Variants in IQCN observed in about 807,000 individuals in gnomAD.
IQCN encodes the protein IQ domain-containing protein N.
A neutral mutation model predicts 64.4 loss-of-function variants in IQCN; 46 were observed. That is an observed-to-expected ratio of 0.71 (90% CI 0.56 to 0.91). The LOEUF (loss-of-function observed/expected upper bound fraction) is 0.91. Ranked by LOEUF, IQCN falls within the 40% of genes least tolerant of loss-of-function variation. The pLI is 0.00. For missense variants in IQCN, 1,753 were observed against 1,857.4 expected, an observed-to-expected ratio of 0.94 and a Z score of 1.03; for synonymous variants, 733 against 775.6, an observed-to-expected ratio of 0.95 and a Z score of 0.91.
intron 2 of IQCN, chr19:18,267,787 CTTTTCTTTTTTT>C: frequency 3.0e-6 from 1 of 328,004 alleles, no homozygotes. Flanking sequence ...TTTCTTTTTT[CTTTTCTTTTTTT>C]TTTTTTTTTT....
chr19:18,257,281 G>C lies in IQCN; in HGVS notation c.4003C>G (p.Arg1335Gly), dbSNP rs367982069. 1.2e-6 allele frequency: 2 copies of C among 1,613,484 alleles called. No homozygotes were observed. Among genetic ancestry groups the C allele is most frequent in the Admixed American group, 3.3e-5 (2 of 60,010 alleles). ...MAAKIVQATWRGHHTRSCLKN... is the reference protein window; with the variant it reads ...MAAKIVQATWGGHHTRSCLKN... ...AGACAGCTCCGGGTATGGTGGCCTC[G>C]CCAGGTGGCTTGAACTATCTTCGCT... is the stretch of plus-strand genomic sequence containing the variant. Residue 1335 changes from arginine to glycine, a missense_variant, in exon 4 of 4, where the codon CGA (arginine) becomes GGA (glycine). Physicochemically the swap from Arg to Gly is moderately radical, Grantham distance 125. Coordinates refer to ENST00000392413, the MANE Select transcript of IQCN (RefSeq NM_001145304.2).
chr19:18,264,684 T>G lies in IQCN; in HGVS notation c.2856A>C (p.Arg952=). Residue 952 remains arginine (R), a synonymous_variant, in exon 3 of 4, where the codon CGA becomes CGC. Coordinates refer to ENST00000392413, the MANE Select transcript of IQCN (RefSeq NM_001145304.2). This position sits in a 1 kb window ranked among gnomAD's most constrained non-coding sequence, Gnocchi z 4.3. ...CCCGCAGCTCGCCCCGGGACAGGGC[T>G]CGGGACAGGGTCAGGCGCAGCTCAC... is the stretch of plus-strand genomic sequence containing the variant. ...SWSELRLTLS[R]ALSRGELRAE... 2 of 1,551,208 alleles carry G rather than the reference T, an allele frequency of 1.3e-6. No homozygotes were observed. Among genetic ancestry groups the G allele is most frequent in the South Asian group, 2.4e-5 (2 of 84,060 alleles).
Position 18,267,367 on chromosome 19 carries a change from C to A in IQCN, c.173G>T (p.Gly58Val). 2 of 1,612,470 alleles carry A rather than the reference C, an allele frequency of 1.2e-6. No individual in the cohort carries two copies. ...EKAPPQPQHE[G>V]LKSKEHLPQQ... ...CGGAAGATGCTCCTTGGACTTGAGGCCCTCGTGCTGGGGCTGTGGAGGCGC... is the reference window on the plus strand; with the variant it reads ...CGGAAGATGCTCCTTGGACTTGAGGACCTCGTGCTGGGGCTGTGGAGGCGC... The change falls in exon 3 of 4, where the codon GGC (glycine) becomes GTC (valine). Residue 58 changes from glycine (G) to valine (V), a missense_variant. Physicochemically the swap from Gly to Val is moderately radical, Grantham distance 109. Transcript: ENST00000392413.
At position 18,265,727 on chromosome 19, in the gene IQCN, T is replaced by C. The variant is rs772575618; in HGVS notation, c.1813A>G (p.Lys605Glu). 3.8e-5 allele frequency: 62 copies of C among 1,614,220 alleles called. 1 individual carries two copies. In the South Asian group the frequency reaches 4.4e-4, roughly 11 times the overall value. ...TGTTTCTGGGTGCCAGTCTTGATTT[T>C]CTCGGCTTCCAAAGGAAGCTCAGCT... ...AAAELPLEAE[K>E]IKTGTQKQAK... is the part of the protein sequence containing the mutation. Residue 605 changes from lysine (K) to glutamate (E), a missense_variant, in exon 3 of 4, where the codon AAA becomes GAA. Coordinates refer to ENST00000392413, the MANE Select transcript of IQCN (RefSeq NM_001145304.2). The surrounding 1 kb of genome is among the most constrained non-coding windows in gnomAD (Gnocchi z 4.7).
chr19:18,262,749 A>G (rs1403156210), intron 3 of IQCN: 2 of 152,214 alleles, frequency 1.3e-5, no homozygotes, highest in African/African-American at 2.4e-5. Context: ...GCTTGGGGCC[A>G]GCCTACTGAA....
chr19:18,267,303 G>A lies in IQCN; in HGVS notation c.237C>T (p.Val79=). The stretch of plus-strand genomic sequence containing the variant: ...TCTCGACCACAGCCCGGAGGCGTGG[G>A]ACGCGGCGGGACGCCGTCTTGCCTT... ...PAEGKTASRR[V]PRLRAVVESQ... Residue 79 remains valine, a synonymous_variant, in exon 3 of 4, where the codon GTC becomes GTT. Coordinates refer to ENST00000392413, the MANE Select transcript of IQCN (RefSeq NM_001145304.2). The A allele has an allele frequency of 6.2e-7, 1 of 1,614,242 alleles. No homozygotes were observed. The highest frequency in any genetic ancestry group is 8.5e-7 in the Non-Finnish European group (1 of 1,180,048).
chr19:18,270,830 C>CA (rs55706433), intron 1 of IQCN, among the ~76,000 whole-genome samples: 130 of 107,042 alleles, frequency 1.2e-3, no homozygotes, highest in South Asian at 7.2e-3. Context: ...GACCCTGTCT[C>CA]AAAAAAAAAA....
rs1337940367 is a variant in IQCN at position 18,265,951 on chromosome 19, G to A, written c.1589C>T (p.Ala530Val). 1.2e-6 allele frequency: 2 copies of A among 1,614,222 alleles called. No homozygotes were observed. The highest frequency in any genetic ancestry group is 1.1e-5 in the South Asian group (1 of 91,080). ...LASPTVANVK[A>V]PPQVAVAAGT... ...GGCTGCTACCGCCACTTGGGGTGGA[G>A]CCTTGACATTTGCCACTGTTGGAGA... The change falls in exon 3 of 4, where the codon GCT (alanine) becomes GTT (valine). Residue 530 changes from alanine (A) to valine (V), a missense_variant. Physicochemically the swap from Ala to Val is moderately conservative, Grantham distance 64. Transcript: ENST00000392413. The surrounding 1 kb of genome is among the most constrained non-coding windows in gnomAD (Gnocchi z 4.7).
rs150530092 is a variant in IQCN, at chr19:18,257,380, T to A, written c.3904A>T (p.Lys1302Ter). Residue 1302 changes from lysine (K) to a stop codon, truncating the protein, a stop_gained, in exon 4 of 4, where the codon AAA becomes TAA. Coordinates refer to ENST00000392413, the MANE Select transcript of IQCN (RefSeq NM_001145304.2). LOFTEE classifies it low-confidence loss of function (END_TRUNC). ...LSPRQPHRQD[K>*]AATAIQSAWR... ...GCGGACTGGATGGCTGTGGCCGCTT[T>A]GTCCTGGCGATGCGGCTGCCTGGGA... 2 of 1,611,622 alleles carry A rather than the reference T, an allele frequency of 1.2e-6. No individual in the cohort carries two copies. Among genetic ancestry groups the A allele is most frequent in the African/African-American group, 2.7e-5 (2 of 74,958 alleles).
chr19:18,264,495 G>A lies in IQCN; in HGVS notation c.3045C>T (p.Leu1015=), dbSNP rs1339829757. ...CRVALRTGTI[L]PKAASKSTGS... ...CTGTTGATTTCGAGGCGGCCTTGGG[G>A]AGGATGGTTCCAGTCCTCAGGGCCA... is the stretch of plus-strand genomic sequence containing the variant. Residue 1015 remains leucine, a synonymous_variant, in exon 3 of 4, where the codon CTC becomes CTT. Coordinates refer to ENST00000392413, the MANE Select transcript of IQCN (RefSeq NM_001145304.2). This position sits in a 1 kb window ranked among gnomAD's most constrained non-coding sequence, Gnocchi z 4.3. The A allele has an allele frequency of 6.4e-7, 1 of 1,551,494 alleles. No individual in the cohort carries two copies. The highest frequency in any genetic ancestry group is 2.0e-5 in the Admixed American group (1 of 51,000).
In IQCN at chr19:18,266,143, T is replaced by C. The variant is rs1345107706; in HGVS notation, c.1397A>G (p.Asn466Ser). 6.2e-7 allele frequency: 1 copy of C among 1,613,566 alleles called. No individual in the cohort carries two copies. Among genetic ancestry groups the C allele is most frequent in the Non-Finnish European group, 8.5e-7 (1 of 1,179,898 alleles). The stretch of plus-strand genomic sequence containing the variant: ...GGCTGACAGACATGTTTGCAATGGG[T>C]TTTTGGCTGGGGTGGTGACCGGGTG... ...QMHPVTTPAK[N>S]PLQTCLSATM... Residue 466 changes from asparagine (N) to serine (S), a missense_variant, in exon 3 of 4, where the codon AAC (asparagine) becomes AGC (serine). Asn to Ser is a conservative substitution (Grantham distance 46, BLOSUM62 1). Coordinates refer to ENST00000392413, the MANE Select transcript of IQCN (RefSeq NM_001145304.2). This position sits in a 1 kb window ranked among gnomAD's most constrained non-coding sequence, Gnocchi z 4.3.
intron 1 of IQCN, among the ~76,000 whole-genome samples, chr19:18,272,586 T>C (rs1201215598): frequency 6.6e-6 from 1 of 151,922 alleles, no homozygotes. Context: ...CAGCGCCCTC[T>C]ATTGAGAAAT....
At position 18,266,737 on chromosome 19, in the gene IQCN, C is replaced by T. The variant is rs1969599103; in HGVS notation, c.803G>A (p.Ser268Asn). The change falls in exon 3 of 4, where the codon AGC becomes AAC. Residue 268 changes from serine to asparagine, a missense_variant. By Grantham distance (46) the Ser-to-Asn change is conservative. Transcript: ENST00000392413. The surrounding 1 kb of genome is among the most constrained non-coding windows in gnomAD (Gnocchi z 4.3). ...QPCLLTRTIR[S>N]TCLVHIEGDS... ...ACCCTCTATGTGGACGAGGCAGGTG[C>T]TTCTGATGGTTCTGGTCAGCAGGCA... 1 of 1,614,134 alleles carries T rather than the reference C, an allele frequency of 6.2e-7. No homozygotes were observed. The highest frequency in any genetic ancestry group is 8.5e-7 in the Non-Finnish European group (1 of 1,180,024).
chr19:18,272,189 G>A (rs111659058), intron 1 of IQCN, among the ~76,000 whole-genome samples: 5,662 of 145,706 alleles, frequency 0.039, 347 homozygotes, highest in African/African-American at 0.14. Flanking sequence ...GTGCAGTGGC[G>A]CGATCTCCTT....
intron 2 of IQCN, chr19:18,268,078 G>T: frequency 6.6e-6 from 1 of 152,564 alleles, no homozygotes; most frequent in Non-Finnish European, 1.5e-5. Context: ...GATTACAGGT[G>T]TGAGCCACCG....
intron 1 of IQCN, among the ~76,000 whole-genome samples, chr19:18,273,398 C>T (rs530911137): frequency 3.3e-5 from 5 of 151,994 alleles, no homozygotes; most frequent in East Asian, 1.9e-4. Context: ...AGTGCAATGG[C>T]GCCATCTTGG....
intron 1 of IQCN, among the ~76,000 whole-genome samples, chr19:18,272,126 CT>C (rs559386472): frequency 2.5e-4 from 30 of 122,072 alleles, no homozygotes; most frequent in East Asian, 9.8e-4. Context: ...CGCGCCTGGC[CT>C]TTTTTTTTTT....
intron 3 of IQCN, chr19:18,262,009 C>G (rs772161560): frequency 6.5e-6 from 1 of 152,966 alleles, no homozygotes; most frequent in East Asian, 1.9e-4. Flanking sequence ...CTTGGGGACA[C>G]CTCAGTGGCC....
chr19:18,265,580 C>T lies in IQCN; in HGVS notation c.1960G>A (p.Ala654Thr). 6.2e-7 allele frequency: 1 copy of T among 1,612,314 alleles called. No homozygotes were observed. The highest frequency in any genetic ancestry group is 8.5e-7 in the Non-Finnish European group (1 of 1,178,778). ...AGCTGTCCCCGGGGCAGGGTGACAG[C>T]CATGTCTACAGGCACATACACGTGA... ...PPHVYVPVDMAVTLPRGQLAA... is the reference protein window; with the variant it reads ...PPHVYVPVDMTVTLPRGQLAA... The change falls in exon 3 of 4, where the codon GCT (alanine) becomes ACT (threonine). Residue 654 changes from alanine (A) to threonine (T), a missense_variant. Ala to Thr is a moderately conservative substitution (Grantham distance 58). Transcript: ENST00000392413. This position sits in a 1 kb window ranked among gnomAD's most constrained non-coding sequence, Gnocchi z 4.7.
Sources: allele counts gnomAD v4.1 joint callset (sites outside exome capture counted in the v4.1 genomes callset), GRCh38; gene constraint gnomAD v4.1.1; non-coding constraint Gnocchi (gnomAD v3.1); transcripts MANE v1.5; gene names NCBI Gene and HGNC (gene_info 2026-07-23, HGNC 2026-07-21).